The following PARN variants were observed in gnomAD, a reference collection of about 807,000 sequenced individuals.
PARN encodes poly(A)-specific ribonuclease.
PARN carries 71 observed loss-of-function variants against 102.8 expected under a neutral mutation model. That is an observed-to-expected ratio of 0.69 (90% CI 0.57 to 0.84). PARN has a LOEUF of 0.84. Among genes scored for constraint, PARN ranks in the 40% least tolerant of loss-of-function variants. PARN has a pLI of 0.00. For missense variants in PARN, 782 were observed against 760.9 expected (o/e 1.03, Z -0.33); for synonymous variants, 261 against 252.9 (o/e 1.03, Z -0.30).
intron 22 of PARN, among the ~76,000 whole-genome samples, chr16:14,477,336 G>A (rs1963113411): frequency 1.3e-5 from 2 of 151,880 alleles, no homozygotes; most frequent in East Asian, 1.9e-4. Context: ...AGCTACTCGG[G>A]AGCCTGAGGC....
At chr16:14,450,497 T>C (rs968567339) in intron 22 of PARN, among the ~76,000 whole-genome samples, 1 of 152,080 alleles carries the variant, frequency 6.6e-6, no homozygotes, top group East Asian at 1.9e-4. Flanking sequence ...TAAGTATGAG[T>C]ATATGTGTTC....
At chr16:14,592,493 T>C (rs1193808168) in intron 13 of PARN, among the ~76,000 whole-genome samples, 1 of 152,226 alleles carries the variant, frequency 6.6e-6, no homozygotes, top group Non-Finnish European at 1.5e-5. Flanking sequence ...GCAAACCGTA[T>C]GGAGCAGAAG....
At chr16:14,574,897 G>A (rs1969027460) in intron 18 of PARN, among the ~76,000 whole-genome samples, 1 of 152,166 alleles carries the variant, frequency 6.6e-6, no homozygotes, top group Non-Finnish European at 1.5e-5. Context: ...TCACAGGCCA[G>A]GCCCAGGAGC....
intron 23 of PARN, among the ~76,000 whole-genome samples, chr16:14,438,799 C>T (rs527915177): frequency 1.3e-5 from 2 of 152,302 alleles, no homozygotes; most frequent in African/African-American, 4.8e-5. Context: ...TCTACCTGTA[C>T]AGCTGCTGAG....
At chr16:14,592,934 G>A (rs545685815) in intron 13 of PARN, among the ~76,000 whole-genome samples, 4 of 152,214 alleles carry the variant, frequency 2.6e-5, no homozygotes, top group East Asian at 1.9e-4. Context: ...TCAGGAGTTC[G>A]AGAACAACCT....
chr16:14,541,998 A>T (rs1337671211), intron 21 of PARN, among the ~76,000 whole-genome samples: 1 of 151,306 alleles, frequency 6.6e-6, no homozygotes, highest in Non-Finnish European at 1.5e-5. Flanking sequence ...CAGATGTTGG[A>T]ATTATTAGAG....
chr16:14,477,718 G>C (rs1305719530), intron 22 of PARN, among the ~76,000 whole-genome samples: 2 of 145,970 alleles, frequency 1.4e-5, no homozygotes, highest in Non-Finnish European at 3.0e-5. Flanking sequence ...GTTGGAGGTT[G>C]CAGTGAGCCG....
intron 18 of PARN, among the ~76,000 whole-genome samples, chr16:14,562,027 C>T (rs1157023623): frequency 1.3e-5 from 2 of 152,184 alleles, no homozygotes; most frequent in Non-Finnish European, 2.9e-5. Flanking sequence ...TGGCGCACGC[C>T]TGTAATCCCA....
At chr16:14,579,247 C>T (rs889649640) in intron 18 of PARN, among the ~76,000 whole-genome samples, 6 of 152,148 alleles carry the variant, frequency 3.9e-5, no homozygotes, top group South Asian at 2.1e-4. Flanking sequence ...GGATTACAGG[C>T]GTAAGCCACT....
At chr16:14,536,480 G>T (rs932739775) in intron 21 of PARN, among the ~76,000 whole-genome samples, 2 of 152,108 alleles carry the variant, frequency 1.3e-5, no homozygotes, top group African/African-American at 2.4e-5. Flanking sequence ...TATCACCAGA[G>T]TCCTAAAGTA....
chr16:14,563,294 C>G (rs577890092), intron 18 of PARN, among the ~76,000 whole-genome samples: 1 of 152,234 alleles, frequency 6.6e-6, no homozygotes, highest in Admixed American at 6.5e-5. Flanking sequence ...CTTTAAGAAG[C>G]AGTTAGCAAA....
chr16:14,442,383 A>C (rs1477755873), intron 23 of PARN, among the ~76,000 whole-genome samples: 1 of 152,180 alleles, frequency 6.6e-6, no homozygotes, highest in Non-Finnish European at 1.5e-5. Context: ...TTGCGTACCG[A>C]GTATGTACCT....
chr16:14,524,910 C>A (rs1004382365), intron 21 of PARN, among the ~76,000 whole-genome samples: 1 of 152,176 alleles, frequency 6.6e-6, no homozygotes, highest in African/African-American at 2.4e-5. Context: ...AGATGAATCT[C>A]TCTTTTAAAT....
At chr16:14,492,518 C>T (rs538222996) in intron 21 of PARN, among the ~76,000 whole-genome samples, 1 of 152,212 alleles carries the variant, frequency 6.6e-6, no homozygotes, top group South Asian at 2.1e-4. Flanking sequence ...TCCATCGGCA[C>T]CCAACTAGGA....
At chr16:14,622,597 CG>C (rs1392257040) in intron 5 of PARN, among the ~76,000 whole-genome samples, 3 of 152,236 alleles carry the variant, frequency 2.0e-5, no homozygotes, top group Non-Finnish European at 4.4e-5. Context: ...CTCTGCCTCT[CG>C]GGTTCACACC....
intron 13 of PARN, among the ~76,000 whole-genome samples, chr16:14,586,830 A>C (rs1352158469): frequency 6.6e-6 from 1 of 152,206 alleles, no homozygotes; most frequent in Non-Finnish European, 1.5e-5. Context: ...CTTTCCTGAG[A>C]TCACCTTTGA....
At chr16:14,438,431 T>G (rs1960802634) in intron 23 of PARN, among the ~76,000 whole-genome samples, 1 of 113,138 alleles carries the variant, frequency 8.8e-6, no homozygotes, top group African/African-American at 3.5e-5. Flanking sequence ...AATCTGCACC[T>G]GCCATTAGTT....
chr16:14,540,887 G>A (rs906521533), intron 21 of PARN, among the ~76,000 whole-genome samples: 3 of 152,100 alleles, frequency 2.0e-5, no homozygotes, highest in Admixed American at 2.0e-4. Context: ...GGAGGTAGAG[G>A]CTGCAGTGAG....
At chr16:14,488,982 G>C (rs923804591) in intron 21 of PARN, among the ~76,000 whole-genome samples, 1 of 152,126 alleles carries the variant, frequency 6.6e-6, no homozygotes, top group Non-Finnish European at 1.5e-5. Flanking sequence ...ATGGAATATT[G>C]TCTAAGAGAA....
Sources: allele counts gnomAD v4.1 joint callset (sites outside exome capture counted in the v4.1 genomes callset), GRCh38; gene constraint gnomAD v4.1.1; transcripts MANE v1.5; gene names NCBI Gene and HGNC (gene_info 2026-07-23, HGNC 2026-07-21).